The following ADGRV1 variants were observed in gnomAD, a reference collection of about 807,000 sequenced individuals.
ADGRV1 encodes adhesion G protein-coupled receptor V1, also known as G-protein coupled receptor 98.
ADGRV1 carries 359 observed loss-of-function variants against 596.2 expected under a neutral mutation model. The ratio of observed to expected loss-of-function variants is 0.60; its 90% CI spans 0.55 to 0.66. The LOEUF (loss-of-function observed/expected upper bound fraction) is 0.66. ADGRV1 is among the 30% of genes least tolerant of loss of function. The probability of loss-of-function intolerance (pLI) is 0.00; values close to 1 mark genes in which losing one functional copy is unlikely to be tolerated. For synonymous variants in ADGRV1, 2,681 were observed against 2,679.2 expected (o/e 1.00, Z -0.02); for missense variants, 7,274 against 7,575.6 (o/e 0.96, Z 1.48).
At chr5:90,875,486 C>G (rs1349021354) in intron 83 of ADGRV1, among the ~76,000 whole-genome samples, 1 of 152,118 alleles carries the variant, frequency 6.6e-6, no homozygotes, top group African/African-American at 2.4e-5. Flanking sequence ...TCAAGAAAGC[C>G]CATACTGCTC....
chr5:91,033,857 C>T (rs1784663395), intron 85 of ADGRV1, among the ~76,000 whole-genome samples: 2 of 152,172 alleles, frequency 1.3e-5, no homozygotes, highest in African/African-American at 2.4e-5. Context: ...TCAGTACTGT[C>T]AACCATATTG....
chr5:90,778,481 G>A lies in ADGRV1; in HGVS notation c.12721G>A (p.Ala4241Thr), dbSNP rs727504627. The A allele has an allele frequency of 5.6e-6, 9 of 1,612,980 alleles. No homozygotes were observed. In the African/African-American group the frequency reaches 1.1e-4, roughly 19 times the overall value. ...AAGCTTCTATGAGTTTCAGCTCACTGCAGTCAGTGAGGGAGGAGTTCTGAG... is the reference window on the plus strand; with the variant it reads ...AAGCTTCTATGAGTTTCAGCTCACTACAGTCAGTGAGGGAGGAGTTCTGAG... ...EKSFYEFQLT[A>T]VSEGGVLSES... is the part of the protein sequence containing the mutation. The change falls in exon 63 of 90, where the codon GCA becomes ACA. Residue 4241 changes from alanine to threonine, a missense_variant. This residue lies in a region of ADGRV1 where 3,643 missense variants were observed against 3,809.2 expected (regional missense o/e 0.96). Coordinates refer to ENST00000405460, the MANE Select transcript of ADGRV1 (RefSeq NM_032119.4).
chr5:90,588,117 T>C (rs778499971), intron 1 of ADGRV1, among the ~76,000 whole-genome samples: 1 of 152,100 alleles, frequency 6.6e-6, no homozygotes, highest in African/African-American at 2.4e-5. Flanking sequence ...ACTAGAAAAA[T>C]TTATGTCTGT....
intron 1 of ADGRV1, among the ~76,000 whole-genome samples, chr5:90,595,371 G>T (rs1320491467): frequency 4.4e-5 from 2 of 45,752 alleles, no homozygotes; most frequent in African/African-American, 1.1e-4. Flanking sequence ...GGACGGGGCG[G>T]CTGGCCGGGT....
chr5:90,635,756 A>G (rs544847663), intron 10 of ADGRV1, among the ~76,000 whole-genome samples: 8 of 151,634 alleles, frequency 5.3e-5, no homozygotes, highest in African/African-American at 1.7e-4. Flanking sequence ...ACTCCTGCCT[A>G]TTTTTTCTTT....
At chr5:90,803,075 A>T (rs904472754) in intron 71 of ADGRV1, among the ~76,000 whole-genome samples, 193 bp downstream of exon 71, 1 of 152,066 alleles carries the variant, frequency 6.6e-6, no homozygotes, top group Non-Finnish European at 1.5e-5. Context: ...ATTCAGTAGG[A>T]AAAAAAGAGA....
At chr5:91,090,922 G>GGATAC (rs1790328558) in intron 86 of ADGRV1, among the ~76,000 whole-genome samples, 2 of 152,090 alleles carry the variant, frequency 1.3e-5, no homozygotes, top group African/African-American at 4.8e-5. Context: ...GGATAGGATA[G>GGATAC]GAATCAAAGT....
At chr5:90,903,277 A>G (rs1772018501) in intron 83 of ADGRV1, among the ~76,000 whole-genome samples, 1 of 151,988 alleles carries the variant, frequency 6.6e-6, no homozygotes. Flanking sequence ...TTTGAAAGTC[A>G]TTACTCCAAA....
chr5:90,763,490 C>T, intron 59 of ADGRV1, 21 bp downstream of exon 59: 2 of 1,575,454 alleles, frequency 1.3e-6, no homozygotes, highest in African/African-American at 1.4e-5. Flanking sequence ...CATTAGCACT[C>T]CTGTAATTTT....
At chr5:90,665,853 G>T (rs1410140685) in intron 21 of ADGRV1, among the ~76,000 whole-genome samples, 3 of 150,748 alleles carry the variant, frequency 2.0e-5, no homozygotes, top group Middle Eastern at 3.4e-3. Context: ...CTTTATTTCT[G>T]CCTTCATTTC....
chr5:91,139,761 C>T (rs568190071), intron 87 of ADGRV1, among the ~76,000 whole-genome samples: 2 of 152,184 alleles, frequency 1.3e-5, no homozygotes, highest in African/African-American at 4.8e-5. Flanking sequence ...TCAGCCTGTT[C>T]TCACCACTCT....
chr5:90,797,324 A>G (rs1760850179), intron 70 of ADGRV1, among the ~76,000 whole-genome samples: 1 of 150,554 alleles, frequency 6.6e-6, no homozygotes, highest in South Asian at 2.1e-4. Context: ...AGGAGTTGCA[A>G]TCCTAATCTC....
At chr5:91,111,249 C>T (rs533173993) in intron 87 of ADGRV1, among the ~76,000 whole-genome samples, 2 of 152,178 alleles carry the variant, frequency 1.3e-5, no homozygotes. Flanking sequence ...CTCTCCACCC[C>T]ACCCTGCCTT....
intron 87 of ADGRV1, among the ~76,000 whole-genome samples, chr5:91,137,670 C>G (rs1794756966): frequency 6.6e-6 from 1 of 152,202 alleles, no homozygotes; most frequent in Non-Finnish European, 1.5e-5. Context: ...ACCCATCTTC[C>G]ACTTTACTGT....
rs1431886890 is a variant in ADGRV1, at chr5:90,642,047, G to C, written c.2241-589G>C. The stretch of plus-strand genomic sequence containing the variant: ...TATACTAAAAGACAAAAAAGCACAG[G>C]TTTAAAATTAAGGAGAATAGAAGGC... On this transcript the variant is annotated intron_variant, in intron 11 of 89. Coordinates refer to ENST00000405460, the MANE Select transcript of ADGRV1 (RefSeq NM_032119.4). Among the ~76,000 whole-genome samples the C allele has an allele frequency of 2.0e-5, 3 of 151,964 alleles. No homozygotes were observed. In the East Asian group the frequency reaches 5.8e-4, roughly 29 times the overall value.
chr5:90,614,155 GAA>G (rs11286344), intron 1 of ADGRV1: 8,391 of 255,916 alleles, frequency 0.033, no homozygotes, highest in South Asian at 0.05. Context: ...ATATCATAGT[GAA>G]AAAAAAAAAA....
rs1762375075 is a variant in ADGRV1, at chr5:90,810,861, G to A, written c.15601G>A (p.Val5201Met). Residue 5201 changes from valine (V) to methionine (M), a missense_variant, in exon 74 of 90, where the codon GTG (valine) becomes ATG (methionine). By Grantham distance (21) the Val-to-Met change is conservative (BLOSUM62 1). Transcript: ENST00000405460. ...TGTCACCCTTCATGGCACACCTGCT[G>A]TGTCTGAAAAGCCTGATGTGGCCAC... is the stretch of plus-strand genomic sequence containing the variant. ...KLVTLHGTPAVSEKPDVATVT... is the reference protein window; with the variant it reads ...KLVTLHGTPAMSEKPDVATVT... The A allele has an allele frequency of 6.2e-7, 1 of 1,614,026 alleles. No individual in the cohort carries two copies. The highest frequency in any genetic ancestry group is 1.6e-4 in the Middle Eastern group (1 of 6,062).
chr5:91,014,232 TG>T (rs1782995607), intron 85 of ADGRV1, among the ~76,000 whole-genome samples: 1 of 149,448 alleles, frequency 6.7e-6, no homozygotes, highest in African/African-American at 2.5e-5. Context: ...GAAGCCTACT[TG>T]ATCATGGTGG....
In ADGRV1 at chr5:90,828,954, T is replaced by C. The variant is rs1170066737; in HGVS notation, c.16379T>C (p.Val5460Ala). 2 of 1,579,382 alleles carry C rather than the reference T, an allele frequency of 1.3e-6. No homozygotes were observed. The highest frequency in any genetic ancestry group is 2.2e-5 in the East Asian group (1 of 44,558). ...IELKPEKVPQ[V>A]EVYFFVELYE... ...TTTTCTCATTGTCAGGTACCACAGG[T>C]TGAAGTGTATTTTTTTGTGGAACTA... The change falls in exon 77 of 90, where the codon GTT (valine) becomes GCT (alanine). Residue 5460 changes from valine (V) to alanine (A), a missense_variant. This residue lies in a region of ADGRV1 where 1,874 missense variants were observed against 1,970.2 expected (regional missense o/e 0.95). Coordinates refer to ENST00000405460, the MANE Select transcript of ADGRV1 (RefSeq NM_032119.4).
Sources: allele counts gnomAD v4.1 joint callset (sites outside exome capture counted in the v4.1 genomes callset), GRCh38; gene constraint gnomAD v4.1.1; regional missense constraint gnomAD v4.1.1; transcripts MANE v1.5; gene names NCBI Gene and HGNC (gene_info 2026-07-23, HGNC 2026-07-21).